Variants in ESCO2 observed in about 807,000 individuals in gnomAD.
The protein encoded by ESCO2 is establishment of sister chromatid cohesion N-acetyltransferase 2.
ESCO2 carries 51 observed loss-of-function variants against 61.7 expected under a neutral mutation model. The observed-to-expected ratio is 0.83, with a 90% CI of 0.66 to 1.04. ESCO2 has a LOEUF of 1.04. Among genes scored for constraint, ESCO2 ranks in the 50% least tolerant of loss-of-function variants. The pLI is 0.00. For synonymous variants in ESCO2, 230 were observed against 238.2 expected (o/e 0.97, Z 0.32); for missense variants, 692 against 686.2 (o/e 1.01, Z -0.09).
chr8:27,781,832 A>G (rs552036582), intron 4 of ESCO2, among the ~76,000 whole-genome samples: 50 of 152,246 alleles, frequency 3.3e-4, no homozygotes, highest in African/African-American at 1.2e-3. Flanking sequence ...GATTACAGGC[A>G]TAAGCCCTTG....
intron 9 of ESCO2, among the ~76,000 whole-genome samples, chr8:27,793,487 T>G (rs1173678427): frequency 1.3e-5 from 2 of 151,282 alleles, no homozygotes; most frequent in African/African-American, 2.4e-5. Context: ...TTGTTTTTTT[T>G]TTTTTTTTTC....
At position 27,790,379 on chromosome 8, in the gene ESCO2, C is replaced by G. The variant is rs180926751; in HGVS notation, c.1263+1401C>G. On this transcript the variant is annotated intron_variant, in intron 7 of 10. Coordinates refer to ENST00000305188, the MANE Select transcript of ESCO2 (RefSeq NM_001017420.3). ...CACATGATTCAAATTTCACAGAATG[C>G]AAAAGTATATCCAGTGAAAAGTGTT... Among the ~76,000 whole-genome samples the G allele has an allele frequency of 2.9e-3, 441 of 152,206 alleles. 7 individuals are homozygous for G. The highest frequency in any genetic ancestry group is 0.01 in the African/African-American group (421 of 41,540).
At position 27,805,057 on chromosome 8, in the gene ESCO2, T is replaced by C. The variant is rs905464973; in HGVS notation, c.*1619T>C. On this transcript the variant is annotated 3_prime_UTR_variant, in exon 11 of 11. Coordinates refer to ENST00000305188, the MANE Select transcript of ESCO2 (RefSeq NM_001017420.3). ...CAGCACTTTGGGAGGCCGAGGCGGG[T>C]GGATCATGAGGTCAGGAGATCGAGA... 9.2e-6 allele frequency: 1 copy of C among 109,092 alleles called. No homozygotes were observed. 6.8% of individuals were successfully genotyped at this position (109,092 alleles called of 1,614,324 possible). A position where few individuals can be genotyped will look rare whatever the true frequency, so the allele number is the denominator to read the frequency against.
downstream of ESCO2, among the ~76,000 whole-genome samples, chr8:27,807,190 T>C (rs1451637159): frequency 1.3e-5 from 2 of 152,204 alleles, no homozygotes; most frequent in Non-Finnish European, 2.9e-5. Flanking sequence ...GTTTCATTGC[T>C]GATAATAGGT....
intron 1 of ESCO2, chr8:27,774,855 CG>C (rs1804750224): frequency 6.6e-6 from 1 of 152,416 alleles, no homozygotes; most frequent in Non-Finnish European, 1.5e-5. Flanking sequence ...TTTCCCTGAC[CG>C]GGTTCAGGGT....
Position 27,784,005 on chromosome 8 carries a change from C to G in ESCO2, c.961C>G (p.Pro321Ala), listed in dbSNP as rs751989099. 8.7e-6 allele frequency: 14 copies of G among 1,612,740 alleles called. No homozygotes were observed. In the Admixed American group the frequency reaches 2.3e-4, roughly 27 times the overall value. Reference sequence around the variant, plus strand: ...CATGATTTTTCCCCTACCAGTTTCTCCTAAGTCCACTGTCTATCCAATCTT... The same window carrying G: ...CATGATTTTTCCCCTACCAGTTTCTGCTAAGTCCACTGTCTATCCAATCTT... ...DSLGENKTIS[P>A]KSTVYPIFSA... The change falls in exon 5 of 11, where the codon CCT (proline) becomes GCT (alanine). Residue 321 changes from proline (P) to alanine (A), a missense_variant. Coordinates refer to ENST00000305188, the MANE Select transcript of ESCO2 (RefSeq NM_001017420.3).
rs1805507332 is a variant in ESCO2, at chr8:27,803,821, T to C, written c.*383T>C. On this transcript the variant is annotated 3_prime_UTR_variant, in exon 11 of 11. Transcript: ENST00000305188. ...AAAGCCCACTCTTAGACCAGGATTA[T>C]CTAATGCCACATCAGAAGCAAACAG... 1 of 998,588 alleles carries C rather than the reference T, an allele frequency of 1.0e-6. No homozygotes were observed. Among genetic ancestry groups the C allele is most frequent in the African/African-American group, 1.7e-5 (1 of 57,526 alleles). 61.9% of individuals were successfully genotyped at this position (998,588 alleles called of 1,614,324 possible). A position where few individuals can be genotyped will look rare whatever the true frequency, so the allele number is the denominator to read the frequency against.
chr8:27,810,030 C>T, downstream of ESCO2: 1 of 368,516 alleles, frequency 2.7e-6, no homozygotes, highest in East Asian at 5.8e-5. Context: ...TTACAGTTTA[C>T]AGCGTTTTAC....
At chr8:27,791,908 G>GT (rs1805183718) in intron 7 of ESCO2, 55 bp from the exon 8 acceptor site, 1 of 1,440,422 alleles carries the variant, frequency 6.9e-7, no homozygotes, top group Non-Finnish European at 9.7e-7. Context: ...ATTTAATGTT[G>GT]GTTTTTTTTC....
intron 3 of ESCO2, chr8:27,777,653 G>C (rs1166735697): frequency 1.3e-5 from 2 of 153,016 alleles, no homozygotes; most frequent in African/African-American, 4.8e-5. Flanking sequence ...TACCATATTA[G>C]ACCATGCTGG....
At chr8:27,793,215 G>T (rs1268253697) in intron 9 of ESCO2, among the ~76,000 whole-genome samples, 3 of 152,104 alleles carry the variant, frequency 2.0e-5, no homozygotes, top group Non-Finnish European at 2.9e-5. Context: ...GTTTCTCCTT[G>T]TGTTATTAGA....
intron 3 of ESCO2, chr8:27,778,521 A>G (rs1804851509): frequency 6.6e-6 from 1 of 152,198 alleles, no homozygotes; most frequent in African/African-American, 2.4e-5. Context: ...ATACTTATAC[A>G]TTTGTATGAA....
At chr8:27,773,043 G>A (rs1215242272), upstream of ESCO2, among the ~76,000 whole-genome samples, 3 of 152,054 alleles carry the variant, frequency 2.0e-5, no homozygotes, top group African/African-American at 2.4e-5. Context: ...CTATAAAGTA[G>A]GAATAATCAT....
At chr8:27,775,723 A>G (rs145048467) in intron 2 of ESCO2, among the ~76,000 whole-genome samples, 156 bp downstream of exon 2, 12 of 152,370 alleles carry the variant, frequency 7.9e-5, no homozygotes, top group African/African-American at 2.9e-4. Context: ...TAGCTTGGAA[A>G]TACATTAAGT....
At chr8:27,782,237 A>G (rs1338476547) in intron 4 of ESCO2, among the ~76,000 whole-genome samples, 3 of 152,248 alleles carry the variant, frequency 2.0e-5, no homozygotes. Flanking sequence ...GTTAATTCAT[A>G]CCCCTGTGAG....
downstream of ESCO2, among the ~76,000 whole-genome samples, chr8:27,814,932 A>C (rs10503816): frequency 5.3e-5 from 8 of 152,274 alleles, no homozygotes; most frequent in African/African-American, 1.9e-4. Context: ...AAACTCTTAC[A>C]GACAGAATAT....
downstream of ESCO2, among the ~76,000 whole-genome samples, chr8:27,814,311 T>G (rs1246592369): frequency 6.6e-6 from 1 of 152,178 alleles, no homozygotes; most frequent in African/African-American, 2.4e-5. Context: ...AGTTGTCAAA[T>G]TCATTGCCAT....
In ESCO2 at chr8:27,791,935, CTG is replaced by C. The variant is rs777189547; in HGVS notation, c.1264-25_1264-24del. The C allele has an allele frequency of 1.9e-6, 3 of 1,597,048 alleles. No homozygotes were observed. The South Asian group carries it at 3.3e-5, about 18-fold the overall frequency. ...TTTTTTTTCCTCTTCACAAATTAAACTGTGACCCTTTTGTTTTCCTTTGGCAG... is the reference window on the plus strand; with the variant it reads ...TTTTTTTTCCTCTTCACAAATTAAACTGACCCTTTTGTTTTCCTTTGGCAG... On this transcript the variant is annotated intron_variant, in intron 7 of 10. Transcript: ENST00000305188.
Position 27,776,541 on chromosome 8 carries a change from A to G in ESCO2, c.233A>G (p.Lys78Arg). Residue 78 changes from lysine to arginine, a missense_variant, in exon 3 of 11, where the codon AAA becomes AGA. Physicochemically the swap from Lys to Arg is conservative, Grantham distance 26. Transcript: ENST00000305188. ...LPSANQGSPF[K>R]SALSTVSFYN... is the part of the protein sequence containing the mutation. Reference sequence around the variant, plus strand: ...TCAGCAAATCAAGGCTCACCATTTAAATCTGCGCTCTCCACTGTATCTTTT... The same window carrying G: ...TCAGCAAATCAAGGCTCACCATTTAGATCTGCGCTCTCCACTGTATCTTTT... The G allele has an allele frequency of 6.2e-7, 1 of 1,614,146 alleles. No homozygotes were observed.
Sources: gnomAD v4.1 joint callset for allele counts (sites outside exome capture counted in the v4.1 genomes callset) on GRCh38, gnomAD v4.1.1 for gene constraint, MANE v1.5 for transcripts, NCBI Gene and HGNC (gene_info 2026-07-23, HGNC 2026-07-21) for gene names.